Variants in RFC3 observed in about 807,000 individuals in gnomAD.
The protein encoded by RFC3 is replication factor C subunit 3, also known as A1 38 kDa subunit.
RFC3 carries 41 observed loss-of-function variants against 45.1 expected under a neutral mutation model. The observed-to-expected ratio is 0.91, with a 90% confidence interval of 0.71 to 1.18. The LOEUF (loss-of-function observed/expected upper bound fraction) is 1.18, where lower values mean the gene tolerates loss of function less well. Among genes scored for constraint, RFC3 ranks in the 50% most tolerant of loss-of-function variants. The pLI is 0.00. For synonymous variants in RFC3, 149 were observed against 144.0 expected (o/e 1.03, Z -0.25); for missense variants, 423 against 428.1 (o/e 0.99, Z 0.10).
intron 8 of RFC3, among the ~76,000 whole-genome samples, chr13:33,868,361 T>C (rs1009657087): frequency 6.6e-6 from 1 of 152,130 alleles, no homozygotes; most frequent in South Asian, 2.1e-4. Flanking sequence ...TGATTCACAC[T>C]TACTTCCTAG....
intron 8 of RFC3, among the ~76,000 whole-genome samples, chr13:33,860,074 C>G: frequency 6.6e-6 from 1 of 152,154 alleles, no homozygotes; most frequent in East Asian, 1.9e-4. Context: ...TGGTCATCTG[C>G]AAGCCAAGGG....
intron 6 of RFC3, 54 bp downstream of exon 6, chr13:33,830,909 A>C: frequency 6.6e-7 from 1 of 1,520,428 alleles, no homozygotes; most frequent in Non-Finnish European, 9.0e-7. Flanking sequence ...GCTTTTTGGC[A>C]CCAGGGACCA....
chr13:33,879,775 G>A (rs2082470690), intron 8 of RFC3, among the ~76,000 whole-genome samples: 1 of 152,204 alleles, frequency 6.6e-6, no homozygotes, highest in Non-Finnish European at 1.5e-5. Context: ...GTTCTGGAGT[G>A]TAGAAGTCCG....
intron 8 of RFC3, among the ~76,000 whole-genome samples, chr13:33,857,018 T>A (rs544514943): frequency 6.6e-6 from 1 of 152,188 alleles, no homozygotes; most frequent in African/African-American, 2.4e-5. Flanking sequence ...AAGTGGACTT[T>A]GTACTTTGAA....
chr13:33,856,069 G>A (rs1407735124), intron 8 of RFC3, among the ~76,000 whole-genome samples: 1 of 152,050 alleles, frequency 6.6e-6, no homozygotes, highest in African/African-American at 2.4e-5. Context: ...ATGACATTTC[G>A]TAGGTTGTCT....
In RFC3 at chr13:33,829,943, T is replaced by C. The variant is rs746986072; in HGVS notation, c.499T>C (p.Ser167Pro). The C allele has an allele frequency of 1.2e-6, 2 of 1,614,062 alleles. No homozygotes were observed. The highest frequency in any genetic ancestry group is 3.3e-5 in the Admixed American group (2 of 60,008). Residue 167 changes from serine (S) to proline (P), a missense_variant, in exon 5 of 9, where the codon TCT (serine) becomes CCT (proline). Physicochemically the swap from Ser to Pro is moderately conservative, Grantham distance 74. Coordinates refer to ENST00000380071, the MANE Select transcript of RFC3 (RefSeq NM_002915.4). ...CTGCAGATTGATCTTGTGCTGCAAT[T>C]CTACATCTAAAGTGATCCCACCTAT... ...STCRLILCCN[S>P]TSKVIPPIRS...
chr13:33,923,171 A>G (rs893955382), intron 8 of RFC3, among the ~76,000 whole-genome samples: 5 of 152,124 alleles, frequency 3.3e-5, no homozygotes, highest in Non-Finnish European at 7.4e-5. Flanking sequence ...TCTTTGTGAC[A>G]TAGAGATAGA....
intron 8 of RFC3, among the ~76,000 whole-genome samples, chr13:33,888,814 C>G (rs922081997): frequency 1.3e-5 from 2 of 150,024 alleles, no homozygotes; most frequent in Non-Finnish European, 3.0e-5. Flanking sequence ...GGCACAAACT[C>G]AGCTCACTGC....
chr13:33,825,621 T>G (rs2082041749), intron 3 of RFC3, among the ~76,000 whole-genome samples, 168 bp from the exon 4 acceptor site: 1 of 152,142 alleles, frequency 6.6e-6, no homozygotes, highest in Non-Finnish European at 1.5e-5. Flanking sequence ...ATTGGAATAT[T>G]GTTAGTATTT....
chr13:33,887,951 T>C (rs2082537236), intron 8 of RFC3, among the ~76,000 whole-genome samples: 1 of 152,206 alleles, frequency 6.6e-6, no homozygotes, highest in African/African-American at 2.4e-5. Context: ...ATACGCAGCA[T>C]TATTTCTGAG....
intron 8 of RFC3, among the ~76,000 whole-genome samples, chr13:33,853,541 C>T (rs1430947183): frequency 6.6e-6 from 1 of 151,950 alleles, no homozygotes; most frequent in African/African-American, 2.4e-5. Context: ...TCCATTAAAT[C>T]CAGAAACAGA....
intron 8 of RFC3, among the ~76,000 whole-genome samples, chr13:33,856,789 A>G (rs1393718966): frequency 6.6e-6 from 1 of 152,112 alleles, no homozygotes; most frequent in Non-Finnish European, 1.5e-5. Flanking sequence ...GAGGTGTGGT[A>G]ATTTTGTGAG....
intron 1 of RFC3, among the ~76,000 whole-genome samples, chr13:33,820,393 A>C (rs546621532): frequency 2.0e-5 from 3 of 152,218 alleles, no homozygotes; most frequent in Non-Finnish European, 4.4e-5. Context: ...CACTTTTCTA[A>C]GCAGGCTTCA....
chr13:33,885,273 A>G (rs2082513168), intron 8 of RFC3, among the ~76,000 whole-genome samples: 1 of 152,128 alleles, frequency 6.6e-6, no homozygotes, highest in South Asian at 2.1e-4. Flanking sequence ...AATATTTGAG[A>G]CATCATAGGA....
chr13:33,871,779 C>T (rs1188435712), intron 8 of RFC3, among the ~76,000 whole-genome samples: 1 of 152,208 alleles, frequency 6.6e-6, no homozygotes, highest in Non-Finnish European at 1.5e-5. Context: ...TGGGGCCATT[C>T]TCTTCACTTG....
intron 8 of RFC3, among the ~76,000 whole-genome samples, chr13:33,921,483 G>A (rs1475121759): frequency 1.3e-5 from 2 of 152,280 alleles, no homozygotes; most frequent in Middle Eastern, 3.4e-3. Context: ...GTGCCTACAC[G>A]TTCCTAGGGA....
intron 8 of RFC3, among the ~76,000 whole-genome samples, chr13:33,938,360 A>G (rs1042146805): frequency 6.6e-6 from 1 of 152,042 alleles, no homozygotes; most frequent in South Asian, 2.1e-4. Context: ...TTAACTTTTT[A>G]TTGGAGTTTG....
chr13:33,875,883 G>A (rs1052036042), intron 8 of RFC3, among the ~76,000 whole-genome samples: 4 of 152,156 alleles, frequency 2.6e-5, no homozygotes, highest in Non-Finnish European at 2.9e-5. Context: ...CAGATTCCTG[G>A]CATCAGTTTC....
chr13:33,962,168 C>G (rs1014439156), intron 8 of RFC3, among the ~76,000 whole-genome samples: 20 of 152,128 alleles, frequency 1.3e-4, no homozygotes, highest in African/African-American at 4.6e-4. Context: ...AACTTCCTCT[C>G]CTTTCTCTAG....
Sources: gnomAD v4.1 joint callset for allele counts (sites outside exome capture counted in the v4.1 genomes callset) on GRCh38, gnomAD v4.1.1 for gene constraint, MANE v1.5 for transcripts, NCBI Gene and HGNC (gene_info 2026-07-23, HGNC 2026-07-21) for gene names.